The following SLC4A10 variants were observed in gnomAD, a reference collection of about 807,000 sequenced individuals.
SLC4A10 encodes the protein sodium-driven chloride bicarbonate exchanger.
A neutral mutation model predicts 137.7 loss-of-function variants in SLC4A10; 42 were observed. The ratio of observed to expected loss-of-function variants is 0.30; its 90% CI spans 0.24 to 0.39. The LOEUF (loss-of-function observed/expected upper bound fraction) is 0.39, where lower values mean the gene tolerates loss of function less well. Ranked by LOEUF, SLC4A10 falls within the 10% of genes least tolerant of loss-of-function variation. SLC4A10 has a pLI of 1.00. For synonymous variants in SLC4A10, 474 were observed against 464.1 expected, an observed-to-expected ratio of 1.02 and a Z score of -0.27; for missense variants, 925 against 1,355.0, an observed-to-expected ratio of 0.68 and a Z score of 4.98.
At chr2:161,801,038 T>G (rs1227517990) in intron 2 of SLC4A10, among the ~76,000 whole-genome samples, 2 of 152,060 alleles carry the variant, frequency 1.3e-5, no homozygotes, top group Non-Finnish European at 2.9e-5. Context: ...AATTGATTTT[T>G]GGCTCACTGG....
chr2:161,630,957 C>T (rs2033434426), intron 1 of SLC4A10, among the ~76,000 whole-genome samples: 2 of 151,678 alleles, frequency 1.3e-5, no homozygotes, highest in African/African-American at 2.4e-5. Flanking sequence ...AAAAGAATCC[C>T]ATTATAAAAC....
intron 1 of SLC4A10, among the ~76,000 whole-genome samples, chr2:161,738,238 G>A (rs2047540254): frequency 1.3e-5 from 2 of 152,152 alleles, no homozygotes; most frequent in Non-Finnish European, 2.9e-5. Flanking sequence ...GATCCTGGGG[G>A]TCACTAGAAG....
At chr2:161,737,064 A>G (rs965662437) in intron 1 of SLC4A10, among the ~76,000 whole-genome samples, 5 of 151,452 alleles carry the variant, frequency 3.3e-5, no homozygotes, top group Non-Finnish European at 7.4e-5. Context: ...TCACCGTGTT[A>G]CCCAGGTTGG....
At chr2:161,938,527 C>A (rs1042950138) in intron 15 of SLC4A10, among the ~76,000 whole-genome samples, 49 of 150,588 alleles carry the variant, frequency 3.3e-4, no homozygotes, top group Admixed American at 3.0e-3. Flanking sequence ...ACATTATTAT[C>A]GATAATAATC....
chr2:161,883,291 A>G (rs981581727), intron 10 of SLC4A10, among the ~76,000 whole-genome samples: 1 of 152,188 alleles, frequency 6.6e-6, no homozygotes, highest in Admixed American at 6.6e-5. Flanking sequence ...ACATGGCTGC[A>G]GATATTTGAA....
chr2:161,976,165 G>GT (rs779905106), intron 24 of SLC4A10, among the ~76,000 whole-genome samples: 5 of 152,102 alleles, frequency 3.3e-5, no homozygotes, highest in Admixed American at 6.5e-5. Context: ...TTCACAGATT[G>GT]TTTTCAATAA....
At chr2:161,805,554 G>C (rs757646359) in intron 3 of SLC4A10, among the ~76,000 whole-genome samples, 9 of 152,166 alleles carry the variant, frequency 5.9e-5, no homozygotes, top group Non-Finnish European at 1.0e-4. Context: ...GGTAAATACA[G>C]CCATTCCAAA....
intron 1 of SLC4A10, among the ~76,000 whole-genome samples, chr2:161,680,632 G>C (rs1281114169): frequency 1.3e-5 from 2 of 151,982 alleles, no homozygotes; most frequent in Non-Finnish European, 2.9e-5. Context: ...GAATAAGGGA[G>C]TAATGTGATG....
At chr2:161,873,176 G>A (rs955966786) in intron 7 of SLC4A10, among the ~76,000 whole-genome samples, 1 of 152,142 alleles carries the variant, frequency 6.6e-6, no homozygotes. Flanking sequence ...AAACTGAGCA[G>A]AGTTTTAAAT....
intron 2 of SLC4A10, among the ~76,000 whole-genome samples, chr2:161,793,441 C>T (rs1421775597): frequency 6.6e-6 from 1 of 151,390 alleles, no homozygotes; most frequent in Admixed American, 6.6e-5. Context: ...TTCCTCAGCC[C>T]CCCAAGTGCC....
chr2:161,751,860 T>C (rs1315382375), intron 1 of SLC4A10, among the ~76,000 whole-genome samples: 3 of 151,934 alleles, frequency 2.0e-5, no homozygotes, highest in Non-Finnish European at 4.4e-5. Context: ...CTTAATTAAA[T>C]AAATGAAATT....
chr2:161,671,065 C>T (rs1437619009), intron 1 of SLC4A10, among the ~76,000 whole-genome samples: 1 of 152,078 alleles, frequency 6.6e-6, no homozygotes, highest in Non-Finnish European at 1.5e-5. Flanking sequence ...ATGGTCTGAA[C>T]GTGTCTCCCA....
intron 23 of SLC4A10, among the ~76,000 whole-genome samples, chr2:161,967,459 T>G (rs757098470): frequency 3.2e-4 from 49 of 152,328 alleles, no homozygotes; most frequent in Non-Finnish European, 3.7e-4. Flanking sequence ...CACACAAATG[T>G]ACGACAACAA....
intron 3 of SLC4A10, among the ~76,000 whole-genome samples, chr2:161,806,008 C>T (rs1428286905): frequency 1.3e-5 from 2 of 152,230 alleles, no homozygotes; most frequent in Non-Finnish European, 2.9e-5. Context: ...CATTTCCATA[C>T]ATCCTCTGAA....
chr2:161,974,753 T>A (rs1242934814), intron 24 of SLC4A10, among the ~76,000 whole-genome samples: 1 of 152,190 alleles, frequency 6.6e-6, no homozygotes, highest in Non-Finnish European at 1.5e-5. Flanking sequence ...GTGATTCAGT[T>A]GTATCAGTCA....
chr2:161,715,700 C>T (rs1383897512), intron 1 of SLC4A10, among the ~76,000 whole-genome samples: 1 of 152,034 alleles, frequency 6.6e-6, no homozygotes, highest in East Asian at 1.9e-4. Flanking sequence ...CATAGTATTC[C>T]AGGGTGTCTA....
At position 161,843,190 on chromosome 2, in the gene SLC4A10, C is replaced by T. The variant is rs185395125; in HGVS notation, c.416+3263C>T. On this transcript the variant is annotated intron_variant, in intron 4 of 26. Coordinates refer to ENST00000446997, the MANE Select transcript of SLC4A10 (RefSeq NM_001178015.2). ...TCAAATAGTGACCCATTCATTTTAA[C>T]CAATAATTTCTTGTAACTTGCCCAC... 1.3e-3 allele frequency among the ~76,000 whole-genome samples: 192 copies of T among 152,184 alleles called. 1 individual carries two copies. Among genetic ancestry groups the T allele is most frequent in the Middle Eastern group, 3.4e-3 (1 of 294 alleles).
At chr2:161,655,906 C>G (rs1034419649) in intron 1 of SLC4A10, among the ~76,000 whole-genome samples, 1 of 149,886 alleles carries the variant, frequency 6.7e-6, no homozygotes, top group Non-Finnish European at 1.5e-5. Flanking sequence ...CTCTGTCTCC[C>G]TGGTTCAAGC....
At chr2:161,899,814 G>A (rs1158408651) in intron 11 of SLC4A10, among the ~76,000 whole-genome samples, 3 of 152,034 alleles carry the variant, frequency 2.0e-5, no homozygotes, top group Non-Finnish European at 4.4e-5. Flanking sequence ...GTTGACAGAT[G>A]CTTCTCTTTT....
Sources: gnomAD v4.1 joint callset for allele counts (sites outside exome capture counted in the v4.1 genomes callset) on GRCh38, gnomAD v4.1.1 for gene constraint, MANE v1.5 for transcripts, NCBI Gene and HGNC (gene_info 2026-07-23, HGNC 2026-07-21) for gene names.